Variants in TTLL8 observed in about 807,000 individuals in gnomAD.
TTLL8 encodes protein monoglycylase TTLL8.
TTLL8 carries 65 observed loss-of-function variants against 77.8 expected under a neutral mutation model. That is an observed-to-expected ratio of 0.84 (90% CI 0.68 to 1.03). The LOEUF (loss-of-function observed/expected upper bound fraction) is 1.03. Ranked by LOEUF, TTLL8 falls within the 50% of genes least tolerant of loss-of-function variation. The pLI, the probability that TTLL8 is intolerant of heterozygous loss-of-function variation, is 0.00. For missense variants in TTLL8, 910 were observed against 1,004.5 expected (o/e 0.91, Z 1.27); for synonymous variants, 402 against 422.8 (o/e 0.95, Z 0.60).
chr22:50,025,243 C>T (rs1278222319), intron 12 of TTLL8, among the ~76,000 whole-genome samples: 4 of 137,860 alleles, frequency 2.9e-5, no homozygotes, highest in Non-Finnish European at 6.2e-5. Flanking sequence ...ACTGTGTACC[C>T]ACAGAAATAA....
At chr22:50,046,045 G>A (rs1569231826) in intron 4 of TTLL8, 75 bp from the exon 7 acceptor site, 1 of 1,260,246 alleles carries the variant, frequency 7.9e-7, no homozygotes, top group South Asian at 1.3e-5. Context: ...GCGAGGACGG[G>A]CCGTCCACCT....
chr22:50,048,383 T>C (rs2061425433), intron 3 of TTLL8, among the ~76,000 whole-genome samples: 1 of 152,114 alleles, frequency 6.6e-6, no homozygotes, highest in Admixed American at 6.5e-5. Context: ...CCCCTTATGA[T>C]GGGCTAGCAC....
At chr22:50,057,337 GA>G (rs2061478345), upstream of TTLL8, among the ~76,000 whole-genome samples, 7 of 74,702 alleles carry the variant, frequency 9.4e-5, no homozygotes, top group African/African-American at 2.3e-4. Context: ...TCTGGGTTGT[GA>G]GTCAGGTCTG....
chr22:50,051,480 T>A (rs2061443394), intron 1 of TTLL8, among the ~76,000 whole-genome samples: 1 of 152,260 alleles, frequency 6.6e-6, no homozygotes. Flanking sequence ...AGTTGTGAAC[T>A]GAGCTGCTGC....
intron 12 of TTLL8, among the ~76,000 whole-genome samples, chr22:50,019,356 G>A (rs1198889621): frequency 2.0e-5 from 3 of 152,220 alleles, no homozygotes; most frequent in Admixed American, 6.5e-5. Flanking sequence ...GTGGTCATCA[G>A]GCTCCAAGGC....
exon 11 of TTLL8, chr22:50,031,849 C>G (rs780013212): frequency 2.9e-6 from 4 of 1,367,244 alleles, no homozygotes. Context: ...GAAGTCCCTC[C>G]CAAGGACGAA....
exon 11 of TTLL8, chr22:50,031,995 C>T: frequency 4.4e-6 from 6 of 1,366,696 alleles, no homozygotes; most frequent in East Asian, 4.5e-5. Context: ...CCTGGCGCTG[C>T]AGGTACTCCT....
At chr22:50,050,166 ACTT>A in exon 2 of TTLL8, 6 of 1,366,732 alleles carry the variant, frequency 4.4e-6, no homozygotes, top group Non-Finnish European at 5.9e-6. Context: ...AAAAAGTGGA[ACTT>A]CTTCTCTACC....
In TTLL8 at chr22:50,044,284, C is replaced by T. The variant is rs1274802299; in HGVS notation, c.643+971G>A. Among the ~76,000 whole-genome samples the T allele has an allele frequency of 6.6e-6, 1 of 151,636 alleles. No individual in the cohort carries two copies. The highest frequency in any genetic ancestry group is 1.5e-5 in the Non-Finnish European group (1 of 67,960). ...AGTGAGCCAAGATCATGCCATTGTA[C>T]TTCAACCTGGGTGACAGAGCAAGAC... On this transcript the variant is annotated intron_variant, in intron 6 of 13. Coordinates refer to ENST00000266182, the Ensembl canonical transcript of TTLL8. The surrounding 1 kb of genome is among the most constrained non-coding windows in gnomAD (Gnocchi z 4.2).
intron 8 of TTLL8, among the ~76,000 whole-genome samples, chr22:50,039,616 A>G (rs2061356176): frequency 6.6e-6 from 1 of 152,254 alleles, no homozygotes; most frequent in Non-Finnish European, 1.5e-5. Context: ...CTTCAAAAGG[A>G]ACAAAACTCG....
intron 1 of TTLL8, among the ~76,000 whole-genome samples, chr22:50,050,984 GT>G (rs1262225698): frequency 6.6e-6 from 1 of 152,174 alleles, no homozygotes; most frequent in African/African-American, 2.4e-5. Context: ...TGTCTGAGGA[GT>G]TTTGTCTGTG....
chr22:50,050,178 C>T, exon 2 of TTLL8: 1 of 1,365,742 alleles, frequency 7.3e-7, no homozygotes, highest in Non-Finnish European at 9.8e-7. Flanking sequence ...TTCTTCTCTA[C>T]CCAGCCCTTC....
chr22:50,030,305 C>T (rs964462905), intron 12 of TTLL8, 125 bp downstream of exon 13: 18 of 1,113,102 alleles, frequency 1.6e-5, no homozygotes, highest in Middle Eastern at 4.2e-4. Flanking sequence ...CAGGGGACAC[C>T]CCGGGCCCCA....
In TTLL8 at chr22:50,026,402, C is replaced by T. The variant is rs546283490; in HGVS notation, c.2203+4028G>A. 7.4e-5 allele frequency among the ~76,000 whole-genome samples: 8 copies of T among 108,026 alleles called. No individual in the cohort carries two copies. The South Asian group carries it at 2.3e-3, about 30-fold the overall frequency. 70.9% of individuals were successfully genotyped at this position (108,026 alleles called of 152,430 possible). ...ACACGGAAATACACCCGCCATTCTG[C>T]ACCGCCGCCACCTCAGAGCGGAGGG... On this transcript the variant is annotated intron_variant, in intron 12 of 13. Transcript: ENST00000266182.
rs776731288 is a variant in TTLL8, at chr22:50,050,103, C to T, written c.190+6G>A. The T allele has an allele frequency of 5.1e-6, 7 of 1,366,452 alleles. No individual in the cohort carries two copies. The highest frequency in any genetic ancestry group is 4.6e-5 in the East Asian group (1 of 21,976). 84.6% of individuals were successfully genotyped at this position (1,366,452 alleles called of 1,614,324 possible). Reference sequence around the variant, plus strand: ...TGAGCTGAGACGTGCGCCTCCGATACGCTACCATTGACCCGGGCGCCTTCA... The same window carrying T: ...TGAGCTGAGACGTGCGCCTCCGATATGCTACCATTGACCCGGGCGCCTTCA... On this transcript the variant is annotated splice_donor_region_variant and intron_variant, in intron 2 of 13. Coordinates refer to ENST00000266182, the Ensembl canonical transcript of TTLL8.
chr22:50,057,569 T>TG (rs146273969), upstream of TTLL8, among the ~76,000 whole-genome samples: 18 of 34,054 alleles, frequency 5.3e-4, 2 homozygotes, highest in African/African-American at 3.0e-3. Flanking sequence ...AGGTCTGGGT[T>TG]GGGGTCAGGT....
chr22:50,026,562 C>A (rs1358460361), intron 12 of TTLL8, among the ~76,000 whole-genome samples: 1 of 152,236 alleles, frequency 6.6e-6, no homozygotes, highest in East Asian at 1.9e-4. Flanking sequence ...GCAGACCGTG[C>A]CGCTCCACCT....
At chr22:50,047,989 C>G (rs1230346142) in intron 3 of TTLL8, among the ~76,000 whole-genome samples, 1 of 152,042 alleles carries the variant, frequency 6.6e-6, no homozygotes, top group Non-Finnish European at 1.5e-5. Context: ...CCCAACTACT[C>G]CGGAGGCTGA....
At chr22:50,033,984 G>C (rs2061317444) in intron 9 of TTLL8, among the ~76,000 whole-genome samples, 1 of 152,220 alleles carries the variant, frequency 6.6e-6, no homozygotes, top group Non-Finnish European at 1.5e-5. Context: ...AGTGAGGCAA[G>C]ATTGCGCCAC....
Sources: gnomAD v4.1 joint callset for allele counts (sites outside exome capture counted in the v4.1 genomes callset) on GRCh38, gnomAD v4.1.1 for gene constraint, Gnocchi (gnomAD v3.1) non-coding constraint, MANE v1.5 for transcripts, NCBI Gene and HGNC (gene_info 2026-07-23, HGNC 2026-07-21) for gene names.